Variants in GFM2 observed in about 807,000 individuals in gnomAD.
GFM2 encodes the protein GTP dependent ribosome recycling factor mitochondrial 2.
Under a neutral mutation model 95.4 loss-of-function variants are expected in GFM2, and 72 were observed. The ratio of observed to expected loss-of-function variants is 0.76; its 90% confidence interval spans 0.62 to 0.92. The LOEUF (loss-of-function observed/expected upper bound fraction) is 0.92, where lower values mean the gene tolerates loss of function less well. GFM2 is among the 40% of genes least tolerant of loss of function. The pLI is 0.00. For missense variants in GFM2, 825 were observed against 924.1 expected, an observed-to-expected ratio of 0.89 and a Z score of 1.39; for synonymous variants, 276 against 317.5, an observed-to-expected ratio of 0.87 and a Z score of 1.39.
chr5:74,763,247 G>A (rs1052966403), intron 2 of GFM2, among the ~76,000 whole-genome samples: 4 of 152,172 alleles, frequency 2.6e-5, no homozygotes, highest in Non-Finnish European at 4.4e-5. Flanking sequence ...ACAGCCAAAA[G>A]TAGTTGTATC....
intron 17 of GFM2, among the ~76,000 whole-genome samples, chr5:74,727,209 G>GTA (rs1750187171): frequency 2.0e-5 from 3 of 151,904 alleles, no homozygotes; most frequent in South Asian, 2.1e-4. Flanking sequence ...TTATATATGA[G>GTA]TATATACATA....
At chr5:74,723,123 A>AGAT (rs1749990061) in intron 19 of GFM2, among the ~76,000 whole-genome samples, 1 of 152,212 alleles carries the variant, frequency 6.6e-6, no homozygotes, top group African/African-American at 2.4e-5. Flanking sequence ...ATCCTAAAAA[A>AGAT]GATTGAATTC....
intron 16 of GFM2, chr5:74,730,658 C>T (rs944752705): frequency 2.2e-5 from 6 of 277,064 alleles, no homozygotes; most frequent in Non-Finnish European, 3.3e-5. Flanking sequence ...CAAGTAGCAT[C>T]TGGCTAAGAC....
At chr5:74,765,575 G>A (rs1423075869) in intron 1 of GFM2, among the ~76,000 whole-genome samples, 1 of 152,150 alleles carries the variant, frequency 6.6e-6, no homozygotes, top group East Asian at 1.9e-4. Flanking sequence ...ATTGAGGGAC[G>A]GCGGGGAGGG....
At chr5:74,752,036 A>G (rs1362573807) in intron 5 of GFM2, among the ~76,000 whole-genome samples, 1 of 152,166 alleles carries the variant, frequency 6.6e-6, no homozygotes, top group Non-Finnish European at 1.5e-5. Flanking sequence ...GATAAATGAT[A>G]GCCACACGGA....
chr5:74,751,151 T>C (rs887367371), intron 6 of GFM2, among the ~76,000 whole-genome samples: 5 of 152,182 alleles, frequency 3.3e-5, no homozygotes, highest in Admixed American at 1.3e-4. Context: ...CCAATGAATA[T>C]AGTTTCATTT....
At chr5:74,726,842 G>A (rs916297552) in intron 17 of GFM2, among the ~76,000 whole-genome samples, 3 of 152,046 alleles carry the variant, frequency 2.0e-5, no homozygotes, top group South Asian at 2.1e-4. Context: ...GTATGCTTAC[G>A]TTTTATACTG....
chr5:74,760,349 A>G (rs2112362487), intron 3 of GFM2, among the ~76,000 whole-genome samples: 1 of 152,292 alleles, frequency 6.6e-6, no homozygotes, highest in African/African-American at 2.4e-5. Flanking sequence ...CATGACAAAC[A>G]CAGTAATGAG....
chr5:74,750,385 A>G (rs537344593), intron 7 of GFM2, among the ~76,000 whole-genome samples, 194 bp downstream of exon 7: 1 of 152,116 alleles, frequency 6.6e-6, no homozygotes, highest in African/African-American at 2.4e-5. Context: ...CAGCTTTCCT[A>G]TTTCTCCTTT....
chr5:74,761,618 G>A (rs1321175592), intron 2 of GFM2, among the ~76,000 whole-genome samples: 2 of 152,040 alleles, frequency 1.3e-5, no homozygotes, highest in Non-Finnish European at 2.9e-5. Context: ...CTGGGCAGTG[G>A]CATTTAAAAA....
chr5:74,744,901 AG>A (rs1211759750), intron 10 of GFM2, among the ~76,000 whole-genome samples: 3 of 152,270 alleles, frequency 2.0e-5, no homozygotes, highest in African/African-American at 7.2e-5. Flanking sequence ...TGAAATGAAT[AG>A]ATTATAACTA....
chr5:74,721,821 T>G (rs759030970), intron 20 of GFM2, 38 bp from the exon 21 acceptor site: 7 of 1,569,640 alleles, frequency 4.5e-6, no homozygotes, highest in Non-Finnish European at 5.2e-6. Context: ...ATTATCAAAT[T>G]TAAGCCTCAA....
intron 2 of GFM2, among the ~76,000 whole-genome samples, chr5:74,762,840 A>G (rs925845551): frequency 6.6e-6 from 1 of 152,234 alleles, no homozygotes; most frequent in African/African-American, 2.4e-5. Context: ...ATTTCATCAC[A>G]GTACTCAGAA....
rs567545356 is a variant in GFM2, at chr5:74,749,541, T to C, written c.519+1038A>G. ...GTGAAGTGTCCATTCAAGTTTTTTG[T>C]CCATTTTCTTCTGGGTTATTATTGA... is the stretch of plus-strand genomic sequence containing the variant. On this transcript the variant is annotated intron_variant, in intron 7 of 20. Coordinates refer to ENST00000296805, the MANE Select transcript of GFM2 (RefSeq NM_032380.5). Among the ~76,000 whole-genome samples, 8 of 152,330 alleles carry C rather than the reference T, an allele frequency of 5.3e-5. No individual in the cohort carries two copies. In the South Asian group the frequency reaches 1.7e-3, roughly 32 times the overall value.
intron 1 of GFM2, chr5:74,765,111 A>G (rs1442417677): frequency 1.6e-6 from 2 of 1,255,166 alleles, no homozygotes. Context: ...TTTCATTGGT[A>G]ACGCCAAAGT....
chr5:74,749,718 TTATC>T (rs1743595454), intron 7 of GFM2, among the ~76,000 whole-genome samples: 1 of 152,216 alleles, frequency 6.6e-6, no homozygotes, highest in Non-Finnish European at 1.5e-5. Context: ...TATAATATGT[TTATC>T]TAACATTACA....
intron 10 of GFM2, among the ~76,000 whole-genome samples, chr5:74,743,764 C>T (rs532184197): frequency 2.0e-5 from 3 of 152,148 alleles, no homozygotes; most frequent in Non-Finnish European, 4.4e-5. Context: ...TATAACAAAG[C>T]GGGTAAGAGC....
At chr5:74,733,319 C>A in intron 15 of GFM2, 2 of 359,558 alleles carry the variant, frequency 5.6e-6, no homozygotes, top group Non-Finnish European at 1.0e-5. Flanking sequence ...GGCGAAACCC[C>A]GTCTTTACAA....
At chr5:74,722,691 G>A (rs978970019) in intron 19 of GFM2, 130 bp from the exon 20 acceptor site, 5 of 649,080 alleles carry the variant, frequency 7.7e-6, no homozygotes, top group South Asian at 4.5e-5. Flanking sequence ...TTATAAGATG[G>A]CAACAACTAT....
Sources: allele counts gnomAD v4.1 joint callset (sites outside exome capture counted in the v4.1 genomes callset), GRCh38; gene constraint gnomAD v4.1.1; transcripts MANE v1.5; gene names NCBI Gene and HGNC (gene_info 2026-07-23, HGNC 2026-07-21).